CNTNAP2: variants seen among roughly 807,000 people sequenced by gnomAD.
CNTNAP2 encodes the protein contactin-associated protein-like 2.
A neutral mutation model predicts 155.2 loss-of-function variants in CNTNAP2; 98 were observed. The ratio of observed to expected loss-of-function variants is 0.63; its 90% CI spans 0.54 to 0.75. The LOEUF (loss-of-function observed/expected upper bound fraction) is 0.75. Among genes scored for constraint, CNTNAP2 ranks in the 30% least tolerant of loss-of-function variants. The probability of loss-of-function intolerance (pLI) is 0.00; values close to 1 mark genes in which losing one functional copy is unlikely to be tolerated. For synonymous variants in CNTNAP2, 651 were observed against 631.2 expected (o/e 1.03, Z -0.47); for missense variants, 1,727 against 1,688.1 (o/e 1.02, Z -0.40).
intron 1 of CNTNAP2, among the ~76,000 whole-genome samples, chr7:146,180,898 G>A (rs779687000): frequency 1.3e-5 from 2 of 152,172 alleles, no homozygotes; most frequent in Admixed American, 1.3e-4. Flanking sequence ...AGAGTCGGGT[G>A]TATGTGCTGT....
At chr7:148,307,390 G>A (rs1797508204) in intron 21 of CNTNAP2, among the ~76,000 whole-genome samples, 1 of 152,136 alleles carries the variant, frequency 6.6e-6, no homozygotes, top group Non-Finnish European at 1.5e-5. Flanking sequence ...CACAAATAAT[G>A]GGCGGCTTTG....
intron 3 of CNTNAP2, among the ~76,000 whole-genome samples, chr7:146,869,795 C>G (rs920338394): frequency 6.6e-6 from 1 of 152,102 alleles, no homozygotes; most frequent in Admixed American, 6.6e-5. Context: ...CGTCTTCTGC[C>G]TGCTTTTTCT....
intron 3 of CNTNAP2, among the ~76,000 whole-genome samples, chr7:146,956,621 A>G (rs1036967232): frequency 2.0e-5 from 3 of 152,136 alleles, no homozygotes; most frequent in Non-Finnish European, 4.4e-5. Flanking sequence ...TATTATGAAT[A>G]CTTAATGTAT....
chr7:146,230,131 T>C (rs1466007886), intron 1 of CNTNAP2, among the ~76,000 whole-genome samples: 1 of 152,228 alleles, frequency 6.6e-6, no homozygotes, highest in Non-Finnish European at 1.5e-5. Context: ...AAATTTGCTG[T>C]ATTAGAACTG....
intron 8 of CNTNAP2, among the ~76,000 whole-genome samples, chr7:147,204,531 T>C (rs1480476785): frequency 6.6e-6 from 1 of 152,110 alleles, no homozygotes; most frequent in Non-Finnish European, 1.5e-5. Context: ...GTGAAATCCA[T>C]AGTAAACTCC....
chr7:147,113,271 G>A (rs1005657710), intron 5 of CNTNAP2, among the ~76,000 whole-genome samples: 2 of 152,020 alleles, frequency 1.3e-5, no homozygotes, highest in Non-Finnish European at 2.9e-5. Context: ...ATGTATTTCT[G>A]TGAGGTCAGT....
rs567964685 is a variant in CNTNAP2 at position 147,848,587 on chromosome 7, G to A, written c.2099-54978G>A. 5.9e-4 allele frequency among the ~76,000 whole-genome samples: 89 copies of A among 152,124 alleles called. 1 individual carries two copies. The highest frequency in any genetic ancestry group is 1.9e-3 in the East Asian group (10 of 5,156). ...TCACTCACGCTGGGAGCTGTAGACC[G>A]GAGCTGTTCCTATTCGGCCATCTTG... On this transcript the variant is annotated intron_variant, in intron 13 of 23. Transcript: ENST00000361727.
intron 13 of CNTNAP2, among the ~76,000 whole-genome samples, chr7:147,835,373 T>C (rs550372350): frequency 6.6e-6 from 1 of 152,138 alleles, no homozygotes; most frequent in Admixed American, 6.5e-5. Context: ...GTTTTAAGGG[T>C]GAAGAAATGA....
intron 9 of CNTNAP2, among the ~76,000 whole-genome samples, chr7:147,331,764 C>G (rs934310272): frequency 1.3e-5 from 2 of 152,148 alleles, no homozygotes; most frequent in African/African-American, 4.8e-5. Context: ...GAAGTGTTCT[C>G]CTTTTGGCCA....
chr7:147,574,505 T>C (rs1340310527), intron 12 of CNTNAP2, among the ~76,000 whole-genome samples: 1 of 152,300 alleles, frequency 6.6e-6, no homozygotes, highest in East Asian at 1.9e-4. Context: ...CTTGTTTGGA[T>C]GATAAATTAT....
intron 1 of CNTNAP2, among the ~76,000 whole-genome samples, chr7:146,665,739 C>A (rs1800179162): frequency 7.3e-6 from 1 of 137,042 alleles, no homozygotes. Flanking sequence ...CGAGACTGTG[C>A]CATTGCACTC....
intron 2 of CNTNAP2, among the ~76,000 whole-genome samples, chr7:146,832,647 A>C (rs1803536007): frequency 6.7e-6 from 1 of 148,760 alleles, no homozygotes; most frequent in Admixed American, 6.7e-5. Flanking sequence ...GAATATATAC[A>C]CTGTATAATT....
In CNTNAP2 at chr7:146,403,000, C is replaced by G. The variant is rs188255214; in HGVS notation, c.97+286027C>G. On this transcript the variant is annotated intron_variant, in intron 1 of 23. Coordinates refer to ENST00000361727, the MANE Select transcript of CNTNAP2 (RefSeq NM_014141.6). Reference sequence around the variant, plus strand: ...TATACATTGAAATTAATGACCTAGTCACACACTCACTTATATATATTTGTA... The same window carrying G: ...TATACATTGAAATTAATGACCTAGTGACACACTCACTTATATATATTTGTA... Among the ~76,000 whole-genome samples the G allele has an allele frequency of 2.2e-3, 331 of 151,654 alleles. 1 individual carries two copies. The highest frequency in any genetic ancestry group is 0.01 in the Middle Eastern group (3 of 294).
At chr7:147,710,051 C>A (rs1168673233) in intron 13 of CNTNAP2, among the ~76,000 whole-genome samples, 1 of 152,040 alleles carries the variant, frequency 6.6e-6, no homozygotes, top group Non-Finnish European at 1.5e-5. Flanking sequence ...GTACAGTGTA[C>A]AAAATTGTAC....
chr7:148,161,638 A>G (rs1035989079), intron 17 of CNTNAP2, among the ~76,000 whole-genome samples: 1 of 152,106 alleles, frequency 6.6e-6, no homozygotes, highest in Non-Finnish European at 1.5e-5. Flanking sequence ...CCAGTGGTGT[A>G]TCTATACCAC....
chr7:146,920,789 T>A (rs1796483666), intron 3 of CNTNAP2, among the ~76,000 whole-genome samples: 1 of 152,236 alleles, frequency 6.6e-6, no homozygotes, highest in African/African-American at 2.4e-5. Context: ...TAAATTTTGT[T>A]TAAGTGCACG....
At chr7:146,940,056 G>C (rs1484798177) in intron 3 of CNTNAP2, among the ~76,000 whole-genome samples, 2 of 152,172 alleles carry the variant, frequency 1.3e-5, no homozygotes, top group African/African-American at 2.4e-5. Flanking sequence ...TGCCAATTTA[G>C]AAAGTACGAA....
intron 13 of CNTNAP2, among the ~76,000 whole-genome samples, chr7:147,728,311 A>G (rs1306016650): frequency 1.3e-5 from 2 of 152,080 alleles, no homozygotes; most frequent in Non-Finnish European, 1.5e-5. Context: ...AGGTGAAGCG[A>G]AGTTCGGAAG....
At chr7:146,495,879 T>C (rs1162705149) in intron 1 of CNTNAP2, among the ~76,000 whole-genome samples, 1 of 151,966 alleles carries the variant, frequency 6.6e-6, no homozygotes, top group Non-Finnish European at 1.5e-5. Context: ...GCCTCAAAAT[T>C]CACCTTGCCA....
Sources: allele counts gnomAD v4.1 joint callset (sites outside exome capture counted in the v4.1 genomes callset), GRCh38; gene constraint gnomAD v4.1.1; transcripts MANE v1.5; gene names NCBI Gene and HGNC (gene_info 2026-07-23, HGNC 2026-07-21).